HOTAIR: variants seen among roughly 807,000 people sequenced by gnomAD.
HOTAIR encodes HOX transcript antisense RNA (non-protein coding).
chr12:53,974,274 A>T (rs1939207616), intron 1 of HOTAIR, among the ~76,000 whole-genome samples: 2 of 148,616 alleles, frequency 1.3e-5, no homozygotes, highest in South Asian at 4.5e-4. Flanking sequence ...AGGAGCATTT[A>T]AGGAAGTATG....
chr12:53,962,857 C>T (rs1328042506), exon 7 of HOTAIR: 1 of 152,138 alleles, frequency 6.6e-6, no homozygotes, highest in African/African-American at 2.4e-5. Flanking sequence ...TGCAAAGTCC[C>T]GTTTGCAGCA....
chr12:53,971,752 C>T lies in HOTAIR; in HGVS notation n.60-2996G>A, dbSNP rs569978968. Among the ~76,000 whole-genome samples, 9 of 152,346 alleles carry T rather than the reference C, an allele frequency of 5.9e-5. No individual in the cohort carries two copies. In the South Asian group the frequency reaches 1.9e-3, roughly 32 times the overall value. ...TGCTGGTTGCTTTTGGCCCCTTGGA[C>T]CCAGTCCAGAACCTTTCAATAAAGT... is the stretch of plus-strand genomic sequence containing the variant. On this transcript the variant is annotated intron_variant and non_coding_transcript_variant, in intron 1 of 6. Coordinates refer to ENST00000424518, the Ensembl canonical transcript of HOTAIR.
At chr12:53,969,558 G>A (rs969603347) in intron 1 of HOTAIR, among the ~76,000 whole-genome samples, 7 of 152,164 alleles carry the variant, frequency 4.6e-5, no homozygotes, top group South Asian at 2.1e-4. Flanking sequence ...GGGGTGTCCC[G>A]GGTGCAAGAT....
At chr12:53,969,985 A>C (rs1939122119) in intron 1 of HOTAIR, among the ~76,000 whole-genome samples, 1 of 152,158 alleles carries the variant, frequency 6.6e-6, no homozygotes, top group Admixed American at 6.5e-5. Context: ...AATTTAGGAG[A>C]CACTGTCCCC....
intron 1 of HOTAIR, among the ~76,000 whole-genome samples, chr12:53,970,386 C>T (rs1339396378): frequency 6.6e-6 from 1 of 152,182 alleles, no homozygotes; most frequent in Non-Finnish European, 1.5e-5. Flanking sequence ...CTGAAGCGTC[C>T]AGGTAGCCTG....
chr12:53,973,382 C>A lies in HOTAIR; in HGVS notation n.59+1516G>T, dbSNP rs768447878. On this transcript the variant is annotated intron_variant and non_coding_transcript_variant, in intron 1 of 6. Coordinates refer to ENST00000424518, the Ensembl canonical transcript of HOTAIR. The surrounding 1 kb of genome is among the most constrained non-coding windows in gnomAD (Gnocchi z 4.3). ...ACTACATGCCCGAGTTCTCCACGGT[C>A]TCCTCCTTCCTGCCCCAGGCCCCCT... 1 of 1,614,218 alleles carries A rather than the reference C, an allele frequency of 6.2e-7. No individual in the cohort carries two copies. The highest frequency in any genetic ancestry group is 8.5e-7 in the Non-Finnish European group (1 of 1,180,044).
intron 4 of HOTAIR, chr12:53,966,229 C>T (rs961988782): frequency 6.6e-6 from 1 of 152,178 alleles, no homozygotes; most frequent in Non-Finnish European, 1.5e-5. Context: ...CTTCCTCCCC[C>T]TCCCTTCCCC....
At chr12:53,964,320 G>A (rs1939011442) in intron 5 of HOTAIR, 1 of 152,046 alleles carries the variant, frequency 6.6e-6, no homozygotes, top group Non-Finnish European at 1.5e-5. Flanking sequence ...GGGCAGGAGG[G>A]AATTAATTTT....
chr12:53,970,479 C>A (rs1375213284), intron 1 of HOTAIR, among the ~76,000 whole-genome samples: 4 of 152,210 alleles, frequency 2.6e-5, no homozygotes, highest in African/African-American at 9.7e-5. Flanking sequence ...TGGCCAGGGC[C>A]TTCTTTCCTT....
intron 1 of HOTAIR, among the ~76,000 whole-genome samples, chr12:53,974,676 G>A (rs1010184596): frequency 1.3e-4 from 20 of 151,576 alleles, no homozygotes; most frequent in African/African-American, 4.8e-4. Flanking sequence ...GGGGCGCCAG[G>A]GCCCCGGAAG....
chr12:53,965,490 G>A (rs1939034986), intron 5 of HOTAIR, among the ~76,000 whole-genome samples: 1 of 152,254 alleles, frequency 6.6e-6, no homozygotes, highest in Non-Finnish European at 1.5e-5. Context: ...ACCTGGGTGG[G>A]GCAAAAGCCA....
chr12:53,974,425 G>A (rs1284413514), intron 1 of HOTAIR, among the ~76,000 whole-genome samples: 1 of 152,082 alleles, frequency 6.6e-6, no homozygotes, highest in Non-Finnish European at 1.5e-5. Flanking sequence ...AGACCGGAGA[G>A]GCAAGCCAGG....
intron 1 of HOTAIR, among the ~76,000 whole-genome samples, chr12:53,974,092 G>T (rs1469290439): frequency 6.7e-6 from 1 of 149,996 alleles, no homozygotes; most frequent in Non-Finnish European, 1.5e-5. Context: ...AACCTACAAA[G>T]CCCTCTCTCC....
chr12:53,967,744 C>T (rs1160598130), intron 2 of HOTAIR, among the ~76,000 whole-genome samples: 1 of 152,182 alleles, frequency 6.6e-6, no homozygotes, highest in South Asian at 2.1e-4. Flanking sequence ...ATGAGCTGGA[C>T]GCTTCCCCCT....
Position 53,973,078 on chromosome 12 carries a change from C to T in HOTAIR, n.59+1820G>A. ...ACCTAAGAGAGAACCCCTCCTACGT[C>T]TGCGAAGTGCTCCGAACTGATATAT... On this transcript the variant is annotated intron_variant and non_coding_transcript_variant, in intron 1 of 6. Coordinates refer to ENST00000424518, the Ensembl canonical transcript of HOTAIR. The surrounding 1 kb of genome is among the most constrained non-coding windows in gnomAD (Gnocchi z 4.3). The T allele has an allele frequency of 1.7e-6, 1 of 571,954 alleles. No individual in the cohort carries two copies. The highest frequency in any genetic ancestry group is 3.0e-6 in the Non-Finnish European group (1 of 332,254). 35.4% of individuals were successfully genotyped at this position (571,954 alleles called of 1,614,324 possible).
chr12:53,971,311 C>A (rs2136374111), intron 1 of HOTAIR, among the ~76,000 whole-genome samples: 1 of 152,308 alleles, frequency 6.6e-6, no homozygotes, highest in South Asian at 2.1e-4. Flanking sequence ...AGAGGGGCAC[C>A]TGAGACCTAT....
intron 3 of HOTAIR, chr12:53,966,388 G>C (rs1351792755): frequency 6.6e-6 from 1 of 152,246 alleles, no homozygotes; most frequent in Non-Finnish European, 1.5e-5. Context: ...CTAAGAATTG[G>C]AGAGAAAATT....
Position 53,973,817 on chromosome 12 carries a change from G to C in HOTAIR, n.59+1081C>G, listed in dbSNP as rs1395178990. 1 of 1,540,878 alleles carries C rather than the reference G, an allele frequency of 6.5e-7. No individual in the cohort carries two copies. Among genetic ancestry groups the C allele is most frequent in the East Asian group, 2.3e-5 (1 of 43,030 alleles). ...CCCCGGCCTCGGGACTGGCGTCCCG[G>C]GCTGAGGCGGGTGCCGAGGCGGAGG... On this transcript the variant is annotated intron_variant and non_coding_transcript_variant, in intron 1 of 6. Coordinates refer to ENST00000424518, the Ensembl canonical transcript of HOTAIR. The surrounding 1 kb of genome is among the most constrained non-coding windows in gnomAD (Gnocchi z 4.3).
chr12:53,970,236 A>G (rs1417537160), intron 1 of HOTAIR, among the ~76,000 whole-genome samples: 3 of 152,242 alleles, frequency 2.0e-5, no homozygotes, highest in Admixed American at 1.3e-4. Context: ...CACCCACCAG[A>G]TAAGATACAA....
Sources: allele counts gnomAD v4.1 joint callset (sites outside exome capture counted in the v4.1 genomes callset), GRCh38; gene constraint gnomAD v4.1.1; non-coding constraint Gnocchi (gnomAD v3.1); transcripts MANE v1.5; gene names NCBI Gene and HGNC (gene_info 2026-07-23, HGNC 2026-07-21).